Variants in NCAM2 observed in about 807,000 individuals in gnomAD.
The protein encoded by NCAM2 is N-CAM-2.
NCAM2 carries 30 observed loss-of-function variants against 98.1 expected under a neutral mutation model. The observed-to-expected ratio is 0.31, with a 90% CI of 0.23 to 0.41. The LOEUF is 0.41. Ranked by LOEUF, NCAM2 falls within the 10% of genes least tolerant of loss-of-function variation. The pLI, the probability that NCAM2 is intolerant of heterozygous loss-of-function variation, is 1.00. For missense variants in NCAM2, 867 were observed against 1,005.8 expected (o/e 0.86, Z 1.87); for synonymous variants, 368 against 342.4 (o/e 1.07, Z -0.83).
At chr21:21,015,849 G>A (rs942677399) in intron 1 of NCAM2, among the ~76,000 whole-genome samples, 16 of 151,822 alleles carry the variant, frequency 1.1e-4, no homozygotes, top group Admixed American at 3.3e-4. Context: ...GATTACAGGC[G>A]CCTGCCACCA....
At chr21:21,368,339 C>T (rs867952279) in intron 8 of NCAM2, among the ~76,000 whole-genome samples, 26 of 151,804 alleles carry the variant, frequency 1.7e-4, no homozygotes, top group African/African-American at 6.3e-4. Flanking sequence ...TCACTTCCAC[C>T]TTAATATATT....
intron 2 of NCAM2, among the ~76,000 whole-genome samples, 171 bp from the exon 3 acceptor site, chr21:21,284,023 A>G (rs2073015429): frequency 6.6e-6 from 1 of 151,982 alleles, no homozygotes. Flanking sequence ...AAAGGTGAAC[A>G]TTTGCACTAA....
intron 5 of NCAM2, among the ~76,000 whole-genome samples, chr21:21,296,925 G>C (rs529606967): frequency 2.0e-5 from 3 of 151,764 alleles, no homozygotes; most frequent in African/African-American, 7.2e-5. Flanking sequence ...GAGGTTGCAA[G>C]AGACATTATG....
At chr21:21,520,914 G>A (rs1470733387) in intron 16 of NCAM2, among the ~76,000 whole-genome samples, 1 of 152,114 alleles carries the variant, frequency 6.6e-6, no homozygotes, top group African/African-American at 2.4e-5. Context: ...ATACTTCTGA[G>A]AATTTTACCT....
intron 1 of NCAM2, among the ~76,000 whole-genome samples, chr21:21,226,308 T>C (rs755291161): frequency 6.6e-6 from 1 of 151,840 alleles, no homozygotes; most frequent in Non-Finnish European, 1.5e-5. Context: ...AATTTAAAAT[T>C]AAAATAAATA....
At chr21:21,019,634 T>G (rs9982963) in intron 1 of NCAM2, among the ~76,000 whole-genome samples, 1 of 151,850 alleles carries the variant, frequency 6.6e-6, no homozygotes, top group African/African-American at 2.4e-5. Context: ...TTTATAATTA[T>G]TTTTTTTATT....
At chr21:21,260,588 A>G (rs566304659) in intron 1 of NCAM2, among the ~76,000 whole-genome samples, 76 of 151,976 alleles carry the variant, frequency 5.0e-4, no homozygotes, top group Non-Finnish European at 7.8e-4. Flanking sequence ...CCAGCCAAGA[A>G]TTTTATTTCT....
At chr21:21,385,126 T>C (rs750528476) in intron 9 of NCAM2, among the ~76,000 whole-genome samples, 4 of 152,106 alleles carry the variant, frequency 2.6e-5, no homozygotes, top group Non-Finnish European at 5.9e-5. Flanking sequence ...GCCCATGATA[T>C]ATGTGGAAGT....
chr21:21,417,693 A>C (rs2077021053), intron 10 of NCAM2, among the ~76,000 whole-genome samples: 1 of 152,066 alleles, frequency 6.6e-6, no homozygotes, highest in African/African-American at 2.4e-5. Context: ...AGAATCCCCG[A>C]AGGTTAACTT....
At chr21:21,284,460 AAAAAT>A in intron 3 of NCAM2, 60 bp downstream of exon 3, 1 of 1,287,766 alleles carries the variant, frequency 7.8e-7, no homozygotes, top group South Asian at 1.3e-5. Context: ...AAATAACCGA[AAAAAT>A]AAAATGTTTG....
At chr21:21,137,387 ATACT>A in intron 1 of NCAM2, among the ~76,000 whole-genome samples, 1 of 152,348 alleles carries the variant, frequency 6.6e-6, no homozygotes, top group South Asian at 2.1e-4. Context: ...AAAATAATTG[ATACT>A]TAAACATGTT....
At chr21:21,392,347 A>C (rs1435872769) in intron 9 of NCAM2, among the ~76,000 whole-genome samples, 1 of 152,168 alleles carries the variant, frequency 6.6e-6, no homozygotes, top group Non-Finnish European at 1.5e-5. Context: ...TATCCAGTCT[A>C]TCATTGATGG....
At chr21:21,082,095 G>T (rs1026359200) in intron 1 of NCAM2, among the ~76,000 whole-genome samples, 1 of 151,626 alleles carries the variant, frequency 6.6e-6, no homozygotes, top group Non-Finnish European at 1.5e-5. Context: ...GGGCGTGGTG[G>T]CAGGCGCATG....
At chr21:21,533,322 T>A in intron 16 of NCAM2, among the ~76,000 whole-genome samples, 1 of 151,988 alleles carries the variant, frequency 6.6e-6, no homozygotes, top group East Asian at 1.9e-4. Flanking sequence ...ACAGACTTTA[T>A]TATTGTCATT....
chr21:21,517,632 T>C (rs1477665002), intron 16 of NCAM2, among the ~76,000 whole-genome samples: 1 of 151,888 alleles, frequency 6.6e-6, no homozygotes, highest in Non-Finnish European at 1.5e-5. Context: ...CCGAGGTGAG[T>C]GGATCACCTG....
intron 1 of NCAM2, among the ~76,000 whole-genome samples, chr21:21,037,655 G>A (rs563810477): frequency 1.2e-4 from 19 of 152,220 alleles, no homozygotes; most frequent in Non-Finnish European, 2.8e-4. Flanking sequence ...AAGGCATCAG[G>A]ATTACCATAA....
intron 10 of NCAM2, among the ~76,000 whole-genome samples, chr21:21,414,354 G>T (rs909741568): frequency 6.6e-6 from 1 of 152,074 alleles, no homozygotes; most frequent in East Asian, 1.9e-4. Flanking sequence ...TCTTAATGGC[G>T]TCAGCATGGT....
At position 21,123,527 on chromosome 21, in the gene NCAM2, G is replaced by A. The variant is rs1203493175; in HGVS notation, c.55+124909G>A. The stretch of plus-strand genomic sequence containing the variant: ...CTTTCCTCAGTCTAATCCCACCCCC[G>A]TGGTGAGGAATTGTAACACACTGGT... On this transcript the variant is annotated intron_variant, in intron 1 of 17. Transcript: ENST00000400546. Among the ~76,000 whole-genome samples the A allele has an allele frequency of 2.6e-5, 4 of 151,938 alleles. No individual in the cohort carries two copies. The East Asian group carries it at 5.8e-4, about 22-fold the overall frequency.
chr21:21,188,923 C>A (rs2068726492), intron 1 of NCAM2, among the ~76,000 whole-genome samples: 1 of 152,058 alleles, frequency 6.6e-6, no homozygotes, highest in Non-Finnish European at 1.5e-5. Flanking sequence ...GATGTAAGGC[C>A]CCATTATATA....
Sources: gnomAD v4.1 joint callset for allele counts (sites outside exome capture counted in the v4.1 genomes callset) on GRCh38, gnomAD v4.1.1 for gene constraint, MANE v1.5 for transcripts, NCBI Gene and HGNC (gene_info 2026-07-23, HGNC 2026-07-21) for gene names.